SLC25A26: variants seen among roughly 807,000 people sequenced by gnomAD.
SLC25A26 encodes the protein mitochondrial S-adenosylmethionine carrier protein.
Under a neutral mutation model 37.8 loss-of-function variants are expected in SLC25A26, and 36 were observed. The observed-to-expected ratio is 0.95, with a 90% CI of 0.73 to 1.26. The LOEUF (loss-of-function observed/expected upper bound fraction) is 1.26. SLC25A26 is among the 50% of genes most tolerant of loss of function. SLC25A26 has a pLI of 0.00. For synonymous variants in SLC25A26, 129 were observed against 122.5 expected, an observed-to-expected ratio of 1.05 and a Z score of -0.35; for missense variants, 390 against 331.1, an observed-to-expected ratio of 1.18 and a Z score of -1.38.
intron 1 of SLC25A26, among the ~76,000 whole-genome samples, chr3:66,146,713 G>A (rs75673658): frequency 0.016 from 2,493 of 152,158 alleles, 65 homozygotes; most frequent in African/African-American, 0.054. Context: ...TAGCTTTGGG[G>A]TTGTAATGGT....
chr3:66,262,011 G>C (rs1194813943), intron 3 of SLC25A26, 40 bp from the exon 4 acceptor site: 20 of 1,251,592 alleles, frequency 1.6e-5, no homozygotes, highest in Non-Finnish European at 2.1e-5. Context: ...TTTTATAGCA[G>C]TTATTTACTT....
Position 66,290,466 on chromosome 3 carries a change from C to T in SLC25A26, c.453+27087C>T, listed in dbSNP as rs1036087804. On this transcript the variant is annotated intron_variant, in intron 5 of 9. Transcript: ENST00000354883. ...GGCTGTGGTTTTGTCATAAACAGCT[C>T]ATAATATTTTGAGATACGTCCCATC... is the stretch of plus-strand genomic sequence containing the variant. Among the ~76,000 whole-genome samples the T allele has an allele frequency of 2.9e-4, 44 of 152,148 alleles. 1 individual carries two copies. The highest frequency in any genetic ancestry group is 9.9e-4 in the African/African-American group (41 of 41,486).
chr3:66,267,759 A>G (rs1191171377), intron 5 of SLC25A26, among the ~76,000 whole-genome samples: 2 of 152,240 alleles, frequency 1.3e-5, no homozygotes, highest in Admixed American at 1.3e-4. Flanking sequence ...AAGTTCATTG[A>G]AGCCCCCAGT....
At chr3:66,362,003 C>T (rs951942699) in intron 6 of SLC25A26, among the ~76,000 whole-genome samples, 1 of 151,970 alleles carries the variant, frequency 6.6e-6, no homozygotes, top group Non-Finnish European at 1.5e-5. Flanking sequence ...GAAAGAAATA[C>T]TGCAACACAC....
intron 1 of SLC25A26, among the ~76,000 whole-genome samples, chr3:66,143,887 A>G (rs74909265): frequency 1.3e-5 from 2 of 152,240 alleles, no homozygotes; most frequent in East Asian, 3.9e-4. Context: ...TCTCAAAAAC[A>G]AAATTAATAA....
At chr3:66,185,399 C>G (rs2070806295) in intron 1 of SLC25A26, among the ~76,000 whole-genome samples, 1 of 152,212 alleles carries the variant, frequency 6.6e-6, no homozygotes, top group East Asian at 1.9e-4. Context: ...GTGAATAATG[C>G]TTCTATAAAC....
intron 5 of SLC25A26, among the ~76,000 whole-genome samples, chr3:66,278,725 CT>C (rs2107426787): frequency 6.6e-6 from 1 of 152,254 alleles, no homozygotes; most frequent in Non-Finnish European, 1.5e-5. Context: ...CATCTTACAA[CT>C]TTCTCTTGAC....
At chr3:66,325,824 T>A (rs2075823480) in intron 5 of SLC25A26, among the ~76,000 whole-genome samples, 1 of 152,170 alleles carries the variant, frequency 6.6e-6, no homozygotes, top group Non-Finnish European at 1.5e-5. Flanking sequence ...CACTGAAGGT[T>A]TTATAAACAG....
chr3:66,281,672 A>T (rs1304802164), intron 5 of SLC25A26, among the ~76,000 whole-genome samples: 1 of 152,110 alleles, frequency 6.6e-6, no homozygotes, highest in Non-Finnish European at 1.5e-5. Context: ...GTGTGCAATC[A>T]CCACCATAGT....
At chr3:66,281,177 GT>G (rs1182877035) in intron 5 of SLC25A26, among the ~76,000 whole-genome samples, 1 of 152,082 alleles carries the variant, frequency 6.6e-6, no homozygotes, top group African/African-American at 2.4e-5. Context: ...AGGTTAATTG[GT>G]TTTTTTATAT....
intron 6 of SLC25A26, among the ~76,000 whole-genome samples, chr3:66,347,563 T>C (rs184387247): frequency 1.2e-3 from 183 of 152,350 alleles, no homozygotes; most frequent in Non-Finnish European, 2.0e-3. Context: ...GAAGACAGTG[T>C]GGCGATTTCT....
Position 66,377,948 on chromosome 3 carries a change from TCCGTGGTATAGGCTG to T in SLC25A26, c.*142_*156del. On this transcript the variant is annotated 3_prime_UTR_variant, in exon 10 of 10. Transcript: ENST00000354883. ...AGATACCGGCATGGAGATTGTGCCA[TCCGTGGTATAGGCTG>T]GCTGGTATGAAGTCATTGGCCTGTA... The T allele has an allele frequency of 3.0e-6, 2 of 668,274 alleles. No individual in the cohort carries two copies. 41.4% of individuals were successfully genotyped at this position (668,274 alleles called of 1,614,324 possible). A position where few individuals can be genotyped will look rare whatever the true frequency, so the allele number is the denominator to read the frequency against.
intron 3 of SLC25A26, among the ~76,000 whole-genome samples, chr3:66,257,239 T>C (rs1374167123): frequency 6.6e-6 from 1 of 151,872 alleles, no homozygotes; most frequent in East Asian, 1.9e-4. Flanking sequence ...AATAAGGACC[T>C]AAAAAGATAC....
At chr3:66,136,752 A>G (rs2069952276) in intron 1 of SLC25A26, among the ~76,000 whole-genome samples, 1 of 152,180 alleles carries the variant, frequency 6.6e-6, no homozygotes, top group South Asian at 2.1e-4. Flanking sequence ...CAAAGCCTCC[A>G]TGTCATTTAC....
intron 1 of SLC25A26, among the ~76,000 whole-genome samples, chr3:66,156,471 T>C (rs1264790563): frequency 6.6e-6 from 1 of 152,000 alleles, no homozygotes; most frequent in African/African-American, 2.4e-5. Flanking sequence ...GTGGGAAGGG[T>C]TATTTTGATT....
intron 1 of SLC25A26, among the ~76,000 whole-genome samples, chr3:66,181,899 G>A (rs1210723114): frequency 6.7e-6 from 1 of 148,196 alleles, no homozygotes; most frequent in Non-Finnish European, 1.5e-5. Context: ...GGACCTGGAT[G>A]TTGTGTGTGT....
intron 5 of SLC25A26, among the ~76,000 whole-genome samples, chr3:66,345,801 G>T (rs1355740304): frequency 1.3e-5 from 2 of 152,150 alleles, no homozygotes; most frequent in African/African-American, 4.8e-5. Flanking sequence ...ATTATGCTGG[G>T]AAATATTTAT....
chr3:66,303,120 A>G (rs926802899), intron 5 of SLC25A26, among the ~76,000 whole-genome samples: 1 of 152,176 alleles, frequency 6.6e-6, no homozygotes, highest in Non-Finnish European at 1.5e-5. Context: ...TATAGTAGTT[A>G]TCATGGTCTA....
At chr3:66,338,550 C>A (rs1398521548) in intron 5 of SLC25A26, among the ~76,000 whole-genome samples, 1 of 151,958 alleles carries the variant, frequency 6.6e-6, no homozygotes, top group African/African-American at 2.4e-5. Flanking sequence ...CTACCATAAT[C>A]ATAATATTTG....
Sources: allele counts gnomAD v4.1 joint callset (sites outside exome capture counted in the v4.1 genomes callset), GRCh38; gene constraint gnomAD v4.1.1; transcripts MANE v1.5; gene names NCBI Gene and HGNC (gene_info 2026-07-23, HGNC 2026-07-21).